The following GLG1 variants were observed in gnomAD, a reference collection of about 807,000 sequenced individuals.
GLG1 encodes the protein Golgi apparatus protein 1.
GLG1 carries 38 observed loss-of-function variants against 160.5 expected under a neutral mutation model. The ratio of observed to expected loss-of-function variants is 0.24; its 90% confidence interval spans 0.18 to 0.31. GLG1 has a LOEUF of 0.31. GLG1 is among the 10% of genes least tolerant of loss of function. The probability of loss-of-function intolerance (pLI) is 1.00; values close to 1 mark genes in which losing one functional copy is unlikely to be tolerated. For missense variants in GLG1, 1,373 were observed against 1,505.2 expected (o/e 0.91, Z 1.45); for synonymous variants, 644 against 543.4 (o/e 1.19, Z -2.57).
At chr16:74,604,181 C>T (rs2143926609) in intron 1 of GLG1, among the ~76,000 whole-genome samples, 1 of 152,180 alleles carries the variant, frequency 6.6e-6, no homozygotes, top group East Asian at 1.9e-4. Context: ...AGAGCGAGAC[C>T]CTGTCTCCAT....
intron 3 of GLG1, among the ~76,000 whole-genome samples, chr16:74,507,296 G>T (rs1181523071): frequency 6.6e-6 from 1 of 152,104 alleles, no homozygotes; most frequent in Admixed American, 6.5e-5. Context: ...AATGCAAAGA[G>T]TGAAATTATT....
At chr16:74,510,663 T>C (rs8060783) in intron 2 of GLG1, among the ~76,000 whole-genome samples, 146,824 of 152,256 alleles carry the variant, frequency 0.96, 71,033 homozygotes, top group East Asian at 1. Context: ...TGCTTGGCAA[T>C]GCGTTTCACA....
In GLG1 at chr16:74,575,015, G is replaced by T. The variant is rs1478260841; in HGVS notation, c.438+31642C>A. ...TAGCACTTTGGGAGGCCGGGGGGGGGGGGGGGGCGGATCACGAGGTCAAGA... is the reference window on the plus strand; with the variant it reads ...TAGCACTTTGGGAGGCCGGGGGGGGTGGGGGGGCGGATCACGAGGTCAAGA... On this transcript the variant is annotated intron_variant, in intron 1 of 25. Coordinates refer to ENST00000422840, the MANE Select transcript of GLG1 (RefSeq NM_001145667.2). 5.4e-5 allele frequency among the ~76,000 whole-genome samples: 3 copies of T among 55,144 alleles called. 1 individual carries two copies. Among genetic ancestry groups the T allele is most frequent in the African/African-American group, 2.1e-4 (3 of 14,594 alleles). 36.2% of individuals were successfully genotyped at this position (55,144 alleles called of 152,430 possible).
intron 1 of GLG1, among the ~76,000 whole-genome samples, chr16:74,573,285 C>T (rs910469432): frequency 1.1e-4 from 16 of 151,918 alleles, no homozygotes; most frequent in Non-Finnish European, 1.8e-4. Flanking sequence ...ATGAGAGATG[C>T]AAGAAGATAC....
chr16:74,584,890 T>C (rs1227532645), intron 1 of GLG1, among the ~76,000 whole-genome samples: 2 of 147,934 alleles, frequency 1.4e-5, no homozygotes, highest in Non-Finnish European at 3.0e-5. Flanking sequence ...CACTCCAGCC[T>C]GGCGACAGAG....
At chr16:74,538,546 T>A (rs1237900313) in intron 1 of GLG1, among the ~76,000 whole-genome samples, 1 of 152,204 alleles carries the variant, frequency 6.6e-6, no homozygotes. Flanking sequence ...TTTTTCTTAT[T>A]TGTACCCAGG....
rs1017712721 is a variant in GLG1 at position 74,550,250 on chromosome 16, A to T, written c.439-18097T>A. On this transcript the variant is annotated intron_variant, in intron 1 of 25. Coordinates refer to ENST00000422840, the MANE Select transcript of GLG1 (RefSeq NM_001145667.2). ...AAGCTTCTTCCTGAAGTTGAGTAAG[A>T]GAGTCCATGATGTTTAGAATATGTG... Among the ~76,000 whole-genome samples, 14 of 152,324 alleles carry T rather than the reference A, an allele frequency of 9.2e-5. 2 individuals carry two copies.
At chr16:74,562,848 C>G (rs905362246) in intron 1 of GLG1, among the ~76,000 whole-genome samples, 2 of 152,148 alleles carry the variant, frequency 1.3e-5, no homozygotes, top group African/African-American at 4.8e-5. Context: ...GAGGTTGGTT[C>G]TTCTGGAAAT....
intron 1 of GLG1, among the ~76,000 whole-genome samples, chr16:74,588,013 T>C (rs577185346): frequency 6.6e-6 from 1 of 151,522 alleles, no homozygotes; most frequent in African/African-American, 2.4e-5. Context: ...AATAGCTGAC[T>C]GAAAACTACA....
At chr16:74,479,462 A>C (rs935051253) in intron 11 of GLG1, among the ~76,000 whole-genome samples, 3 of 151,526 alleles carry the variant, frequency 2.0e-5, no homozygotes, top group Non-Finnish European at 4.4e-5. Context: ...AAAAAAAAAA[A>C]CAAATTCCCA....
intron 2 of GLG1, among the ~76,000 whole-genome samples, chr16:74,524,119 G>C (rs1200428785): frequency 6.6e-6 from 1 of 152,068 alleles, no homozygotes; most frequent in Non-Finnish European, 1.5e-5. Context: ...TGAGGCAGGA[G>C]AATCACTTGA....
chr16:74,566,590 C>T (rs2018659933), intron 1 of GLG1, among the ~76,000 whole-genome samples: 1 of 151,082 alleles, frequency 6.6e-6, no homozygotes, highest in Non-Finnish European at 1.5e-5. Flanking sequence ...CGTCTTCATT[C>T]TCTCGAAGAG....
rs776574534 is a variant in GLG1 at position 74,606,717 on chromosome 16, G to A, written c.378C>T (p.Cys126=). The part of the protein sequence containing the change: ...ESCREDVTRV[C]PKHTWSNNLA... ...GGTTGTTGCTCCAGGTGTGCTTAGG[G>A]CACACGCGGGTCACGTCCTCCCTGC... Residue 126 remains cysteine (C), a synonymous_variant, in exon 1 of 26, where the codon TGC becomes TGT. Transcript: ENST00000422840. 1.2e-6 allele frequency: 2 copies of A among 1,612,464 alleles called. No individual in the cohort carries two copies. Among genetic ancestry groups the A allele is most frequent in the Non-Finnish European group, 1.7e-6 (2 of 1,178,952 alleles).
intron 2 of GLG1, among the ~76,000 whole-genome samples, chr16:74,512,532 G>A (rs551133645): frequency 4.6e-5 from 7 of 152,022 alleles, no homozygotes; most frequent in Non-Finnish European, 8.8e-5. Flanking sequence ...CCAAAGTGCT[G>A]GAATTACAGA....
chr16:74,484,473 G>T (rs2015720620), intron 9 of GLG1, among the ~76,000 whole-genome samples: 1 of 151,776 alleles, frequency 6.6e-6, no homozygotes, highest in African/African-American at 2.4e-5. Context: ...CACTAATTTT[G>T]TATTTTTGGC....
chr16:74,508,523 C>T (rs1161115210), intron 3 of GLG1, among the ~76,000 whole-genome samples: 1 of 152,112 alleles, frequency 6.6e-6, no homozygotes, highest in African/African-American at 2.4e-5. Flanking sequence ...CCTCCTGTAA[C>T]CAGGCTGATA....
intron 5 of GLG1, 37 bp from the exon 6 acceptor site, chr16:74,494,868 C>G: frequency 1.0e-6 from 1 of 984,100 alleles, no homozygotes; most frequent in Non-Finnish European, 1.6e-6. Flanking sequence ...ATTACTTTAG[C>G]TAAATAGTTA....
Position 74,496,573 on chromosome 16 carries a change from T to A in GLG1, c.846A>T (p.Glu282Asp), listed in dbSNP as rs1174366649. The change falls in exon 5 of 26, where the codon GAA becomes GAT. Residue 282 changes from glutamate to aspartate, a missense_variant. Physicochemically the swap from Glu to Asp is conservative, Grantham distance 45 (BLOSUM62 2). Around this residue, in one of 4 missense-constraint regions of GLG1, gnomAD observed 174 missense variants for 229.9 expected, o/e 0.76. Transcript: ENST00000422840. ...KGLVKEAEER[E>D]PKIQVSELCK... ...AGAGTTCAGAAACTTGAATCTTGGG[T>A]TCTCTTTCTTCTGCTTCTTTCACCA... 1 of 1,612,884 alleles carries A rather than the reference T, an allele frequency of 6.2e-7. No homozygotes were observed. The highest frequency in any genetic ancestry group is 1.7e-5 in the Admixed American group (1 of 59,956).
At chr16:74,459,637 A>G in intron 23 of GLG1, 45 bp downstream of exon 23, 1 of 1,040,030 alleles carries the variant, frequency 9.6e-7, no homozygotes, top group Non-Finnish European at 1.5e-6. Context: ...GAAGAGAAAA[A>G]AAAAAAAAGA....
Sources: allele counts gnomAD v4.1 joint callset (sites outside exome capture counted in the v4.1 genomes callset), GRCh38; gene constraint gnomAD v4.1.1; regional missense constraint gnomAD v4.1.1; transcripts MANE v1.5; gene names NCBI Gene and HGNC (gene_info 2026-07-23, HGNC 2026-07-21).